CCT3: variants seen among roughly 807,000 people sequenced by gnomAD.
CCT3 encodes chaperonin containing TCP1 subunit 3.
In CCT3, 10 loss-of-function variants were observed where a neutral mutation model predicts 65.3. The ratio of observed to expected loss-of-function variants is 0.15; its 90% confidence interval spans 0.09 to 0.26. CCT3 has a LOEUF of 0.26. CCT3 is among the 10% of genes least tolerant of loss of function. The probability of loss-of-function intolerance (pLI) is 1.00; values close to 1 mark genes in which losing one functional copy is unlikely to be tolerated. For synonymous variants in CCT3, 225 were observed against 242.3 expected, an observed-to-expected ratio of 0.93 and a Z score of 0.66; for missense variants, 626 against 708.7, an observed-to-expected ratio of 0.88 and a Z score of 1.33.
At chr1:156,312,644 T>TG (rs1664131940) in intron 10 of CCT3, among the ~76,000 whole-genome samples, 1 of 147,692 alleles carries the variant, frequency 6.8e-6, no homozygotes, top group Admixed American at 6.9e-5. Flanking sequence ...GATAACAGAG[T>TG]GGGACCCTAT....
At chr1:156,317,719 T>TTA (rs1664366681) in intron 8 of CCT3, among the ~76,000 whole-genome samples, 172 bp from the exon 9 acceptor site, 1 of 151,934 alleles carries the variant, frequency 6.6e-6, no homozygotes, top group Admixed American at 6.6e-5. Flanking sequence ...TTGCTTTTTT[T>TTA]TTTTTTTGAG....
intron 4 of CCT3, among the ~76,000 whole-genome samples, chr1:156,334,415 T>C (rs1665243817): frequency 1.3e-5 from 2 of 152,118 alleles, no homozygotes; most frequent in African/African-American, 4.8e-5. Flanking sequence ...ACAAGGGGAA[T>C]AACATGAAGA....
At chr1:156,309,418 A>T in intron 13 of CCT3, 115 bp from the exon 14 acceptor site, 2 of 715,624 alleles carry the variant, frequency 2.8e-6, no homozygotes, top group Non-Finnish European at 4.9e-6. Context: ...TCTGAAATCT[A>T]CCTTTTCAGT....
Position 156,338,200 on chromosome 1 carries a change from A to G in CCT3, c.-16T>C. The G allele has an allele frequency of 6.3e-7, 1 of 1,585,138 alleles. No individual in the cohort carries two copies. The highest frequency in any genetic ancestry group is 1.2e-5 in the South Asian group (1 of 86,366). On this transcript the variant is annotated 5_prime_UTR_variant, in exon 1 of 14. Transcript: ENST00000295688. ...GGCCCATCATGGCGACGCGATGCAG[A>G]GCCGGGTACCCAGAGCTGGGGGAAC...
In CCT3 at chr1:156,312,077, G is replaced by C; in HGVS notation, c.1119C>G (p.Thr373=). The C allele has an allele frequency of 6.2e-7, 1 of 1,611,666 alleles. No individual in the cohort carries two copies. The highest frequency in any genetic ancestry group is 8.5e-7 in the Non-Finnish European group (1 of 1,179,030). ...ITDCKDPKAC[T]ILLRGASKEI... ...CTTTGCTAGCCCCCCGGAGGAGAATGGTGCAGGCCTTGGGGTCTTTGCAGT... is the reference window on the plus strand; with the variant it reads ...CTTTGCTAGCCCCCCGGAGGAGAATCGTGCAGGCCTTGGGGTCTTTGCAGT... Residue 373 remains threonine, a synonymous_variant, in exon 11 of 14, where the codon ACC becomes ACG. Coordinates refer to ENST00000295688, the MANE Select transcript of CCT3 (RefSeq NM_005998.5).
intron 5 of CCT3, among the ~76,000 whole-genome samples, chr1:156,329,608 A>G (rs1665022426): frequency 6.6e-6 from 1 of 151,514 alleles, no homozygotes. Context: ...CCCAGCCCAT[A>G]TCCCCATCAT....
In CCT3 at chr1:156,320,819, T is replaced by C. The variant is rs1159187627; in HGVS notation, c.609+20A>G. On this transcript the variant is annotated intron_variant, in intron 7 of 13. Coordinates refer to ENST00000295688, the MANE Select transcript of CCT3 (RefSeq NM_005998.5). ...TGCTAACATATAATTTGACCCAATGTATACACTTTGAAAGTTTACCTTTTC... is the reference window on the plus strand; with the variant it reads ...TGCTAACATATAATTTGACCCAATGCATACACTTTGAAAGTTTACCTTTTC... 2.0e-6 allele frequency: 3 copies of C among 1,528,144 alleles called. No individual in the cohort carries two copies. Among genetic ancestry groups the C allele is most frequent in the Non-Finnish European group, 2.7e-6 (3 of 1,103,238 alleles). The allele number at this position is 1,528,144 out of a possible 1,614,324, so 94.7% of individuals were successfully genotyped here. A position where few individuals can be genotyped will look rare whatever the true frequency, so the allele number is the denominator to read the frequency against.
At chr1:156,322,867 A>AG (rs1664616327) in intron 6 of CCT3, among the ~76,000 whole-genome samples, 1 of 152,164 alleles carries the variant, frequency 6.6e-6, no homozygotes, top group Admixed American at 6.6e-5. Context: ...CTCAAAAAAA[A>AG]GGCTTTCTAA....
rs779791694 is a variant in CCT3 at position 156,317,234 on chromosome 1, G to C, written c.906C>G (p.His302Gln). ...TEKGISDLAQ[H>Q]YLMRANITAI... ...CTGTGATATTGGCCCGCATAAGGTAGTGCTGAGCTAAATCTACAAATCCAA... is the reference window on the plus strand; with the variant it reads ...CTGTGATATTGGCCCGCATAAGGTACTGCTGAGCTAAATCTACAAATCCAA... The change falls in exon 10 of 14, where the codon CAC (histidine) becomes CAG (glutamine). Residue 302 changes from histidine to glutamine, a missense_variant. Coordinates refer to ENST00000295688, the MANE Select transcript of CCT3 (RefSeq NM_005998.5). 2.5e-6 allele frequency: 4 copies of C among 1,614,180 alleles called. No homozygotes were observed. Among genetic ancestry groups the C allele is most frequent in the Non-Finnish European group, 3.4e-6 (4 of 1,179,990 alleles).
At chr1:156,327,136 G>A (rs1664849633) in intron 5 of CCT3, among the ~76,000 whole-genome samples, 1 of 152,146 alleles carries the variant, frequency 6.6e-6, no homozygotes, top group Non-Finnish European at 1.5e-5. Flanking sequence ...ACACAAAAAA[G>A]CTTGTTTCTA....
intron 6 of CCT3, among the ~76,000 whole-genome samples, chr1:156,321,769 G>A (rs1211752943): frequency 2.0e-5 from 3 of 152,100 alleles, no homozygotes; most frequent in Non-Finnish European, 4.4e-5. Context: ...AGTTACTCCA[G>A]AGGCAGAGGT....
chr1:156,311,281 G>T, intron 11 of CCT3, 86 bp from the exon 12 acceptor site: 1 of 1,377,606 alleles, frequency 7.3e-7, no homozygotes, highest in Non-Finnish European at 1.0e-6. Flanking sequence ...AACTGCCAAA[G>T]TTAGTAAACC....
chr1:156,321,346 C>A (rs1664545536), intron 6 of CCT3, among the ~76,000 whole-genome samples: 1 of 152,180 alleles, frequency 6.6e-6, no homozygotes, highest in Non-Finnish European at 1.5e-5. Context: ...CAACTCAGGT[C>A]AAGACACATT....
At chr1:156,331,966 AG>A (rs1400521418) in intron 5 of CCT3, among the ~76,000 whole-genome samples, 1 of 150,838 alleles carries the variant, frequency 6.6e-6, no homozygotes, top group Non-Finnish European at 1.5e-5. Context: ...CGAGAGGGGG[AG>A]GTTGCGGCGA....
Position 156,310,539 on chromosome 1 carries a change from A to T in CCT3, c.1533+19T>A. The T allele has an allele frequency of 6.3e-7, 1 of 1,591,076 alleles. No individual in the cohort carries two copies. The highest frequency in any genetic ancestry group is 8.6e-7 in the Non-Finnish European group (1 of 1,166,522). On this transcript the variant is annotated intron_variant, in intron 13 of 13. Transcript: ENST00000295688. ...ATAAATTAATTAAAACAGCGTGTAC[A>T]TATCTTAGGGTGCCTTACCTCCACT...
rs543532113 is a variant in CCT3 at position 156,312,159 on chromosome 1, C to G, written c.1037G>C (p.Gly346Ala). 1 of 1,614,120 alleles carries G rather than the reference C, an allele frequency of 6.2e-7. No homozygotes were observed. The highest frequency in any genetic ancestry group is 1.1e-5 in the South Asian group (1 of 91,072). ...EELREDDVGT[G>A]AGLLEIKKIG... Reference sequence around the variant, plus strand: ...TTTCTTGATTTCCAACAGGCCTGCTCCTGTTCCAACATCATCTTCTCTCAG... The same window carrying G: ...TTTCTTGATTTCCAACAGGCCTGCTGCTGTTCCAACATCATCTTCTCTCAG... The change falls in exon 11 of 14, where the codon GGA becomes GCA. Residue 346 changes from glycine (G) to alanine (A), a missense_variant. Physicochemically the swap from Gly to Ala is moderately conservative, Grantham distance 60. Coordinates refer to ENST00000295688, the MANE Select transcript of CCT3 (RefSeq NM_005998.5).
At chr1:156,311,943 G>T in intron 11 of CCT3, 98 bp downstream of exon 11, 27 of 903,830 alleles carry the variant, frequency 3.0e-5, no homozygotes, top group South Asian at 1.5e-4. Context: ...AAATTAAATA[G>T]CTATAAATGG....
intron 6 of CCT3, among the ~76,000 whole-genome samples, chr1:156,322,647 C>T (rs1037977582): frequency 5.3e-5 from 8 of 151,124 alleles, no homozygotes; most frequent in South Asian, 2.1e-4. Context: ...CACCTGAGGT[C>T]GGGAGTTTGA....
chr1:156,327,131 A>G (rs575693171), intron 5 of CCT3, among the ~76,000 whole-genome samples: 79 of 152,252 alleles, frequency 5.2e-4, no homozygotes, highest in Admixed American at 8.5e-4. Flanking sequence ...CCCACACACA[A>G]AAAAGCTTGT....
Sources: allele counts gnomAD v4.1 joint callset (sites outside exome capture counted in the v4.1 genomes callset), GRCh38; gene constraint gnomAD v4.1.1; transcripts MANE v1.5; gene names NCBI Gene and HGNC (gene_info 2026-07-23, HGNC 2026-07-21).